The following MED19 variants were observed in gnomAD, a reference collection of about 807,000 sequenced individuals.
The protein encoded by MED19 is mediator of RNA polymerase II transcription subunit 19.
In MED19, 4 loss-of-function variants were observed where a neutral mutation model predicts 19.9. That is an observed-to-expected ratio of 0.20 (90% CI 0.10 to 0.46). The LOEUF (loss-of-function observed/expected upper bound fraction) is 0.46. Ranked by LOEUF, MED19 falls within the 20% of genes least tolerant of loss-of-function variation. The pLI, the probability that MED19 is intolerant of heterozygous loss-of-function variation, is 0.99. For synonymous variants in MED19, 139 were observed against 119.6 expected (o/e 1.16, Z -1.06); for missense variants, 303 against 318.7 (o/e 0.95, Z 0.38).
rs1946624640 is a variant in MED19 at position 57,711,858 on chromosome 11, G to T, written c.217+105C>A. ...ACTTAGGGCTCCACAGTCCGGGTAT[G>T]CGTTGCCTAGGTTACCTCGCACCTC... On this transcript the variant is annotated intron_variant, in intron 1 of 4. Coordinates refer to ENST00000431606, the Ensembl canonical transcript of MED19. The T allele has an allele frequency of 4.0e-6, 5 of 1,255,938 alleles. No homozygotes were observed. In the African/African-American group the frequency reaches 6.3e-5, roughly 16 times the overall value. The allele number at this position is 1,255,938 out of a possible 1,614,324, so 77.8% of individuals were successfully genotyped here.
At chr11:57,708,113 C>CGT in intron 1 of MED19, among the ~76,000 whole-genome samples, 1 of 151,784 alleles carries the variant, frequency 6.6e-6, no homozygotes, top group African/African-American at 2.4e-5. Context: ...GGATTACAGG[C>CGT]GTGAACCACC....
rs773968041 is a variant in MED19, at chr11:57,705,064, C to T, written c.383G>A (p.Arg128His). 8.7e-6 allele frequency: 14 copies of T among 1,614,126 alleles called. No individual in the cohort carries two copies. The highest frequency in any genetic ancestry group is 2.2e-5 in the East Asian group (1 of 44,870). The change falls in exon 2 of 5, where the codon CGC (arginine) becomes CAC (histidine). Residue 128 changes from arginine (R) to histidine (H), a missense_variant. This residue lies in a region of MED19 where 274 missense variants were observed against 259.2 expected (regional missense o/e 1.06). Coordinates refer to ENST00000431606, the Ensembl canonical transcript of MED19. ...AATAGGGGGCTTCTCAATGAGAGAGCGGAGGCTGCTGTTATCATGGGAACC... is the reference window on the plus strand; with the variant it reads ...AATAGGGGGCTTCTCAATGAGAGAGTGGAGGCTGCTGTTATCATGGGAACC...
chr11:57,712,055 G>C, exon 1 of MED19: 1 of 1,532,864 alleles, frequency 6.5e-7, no homozygotes, highest in East Asian at 2.5e-5. Context: ...AGGCGGGGCC[G>C]TGCCGGGTCC....
exon 5 of MED19, chr11:57,704,017 G>A: frequency 6.5e-7 from 1 of 1,535,822 alleles, no homozygotes; most frequent in Non-Finnish European, 8.7e-7. Flanking sequence ...AGCCATCCTG[G>A]CAAAGAGTCC....
At chr11:57,704,726 G>C (rs1331320044) in exon 3 of MED19, 3 of 1,609,402 alleles carry the variant, frequency 1.9e-6, no homozygotes. Flanking sequence ...TACCTGGGGG[G>C]ACAGGATCCT....
intron 4 of MED19, 28 bp from the exon 5 acceptor site, chr11:57,704,134 C>G (rs992524567): frequency 2.6e-6 from 4 of 1,535,834 alleles, no homozygotes; most frequent in African/African-American, 2.7e-5. Flanking sequence ...AGGGTAAGAA[C>G]AACTAGGAAC....
chr11:57,710,236 C>T (rs1946549758), intron 1 of MED19, among the ~76,000 whole-genome samples: 1 of 152,132 alleles, frequency 6.6e-6, no homozygotes, highest in Non-Finnish European at 1.5e-5. Context: ...GTGGTGCATG[C>T]CTGTAGTCCT....
At chr11:57,712,039 G>A (rs1946634737) in exon 1 of MED19, 4 of 1,536,894 alleles carry the variant, frequency 2.6e-6, no homozygotes, top group Non-Finnish European at 3.5e-6. Flanking sequence ...CCGTGGCCGC[G>A]GTGGGAGGCG....
At chr11:57,704,490 CA>C in intron 3 of MED19, 94 bp from the exon 4 acceptor site, 1 of 1,563,976 alleles carries the variant, frequency 6.4e-7, no homozygotes, top group South Asian at 1.2e-5. Flanking sequence ...CAAGTCGGGG[CA>C]ACTGCTTTTG....
intron 1 of MED19, among the ~76,000 whole-genome samples, chr11:57,707,715 A>G (rs144119754): frequency 6.6e-6 from 1 of 152,178 alleles, no homozygotes; most frequent in African/African-American, 2.4e-5. Flanking sequence ...TGCTCTGCCA[A>G]CTCTCCTCTG....
chr11:57,704,699 T>TA lies in MED19; in HGVS notation c.571+19_571+20insT. On this transcript the variant is annotated intron_variant, in intron 3 of 4. Coordinates refer to ENST00000431606, the Ensembl canonical transcript of MED19. ...TTTTTTTTTTTTTTTTTTTTTGCTT[T>TA]GAATAGAACTGCTTCTTACCTGGGG... 1.3e-6 allele frequency: 2 copies of TA among 1,575,438 alleles called. No individual in the cohort carries two copies. The highest frequency in any genetic ancestry group is 1.7e-6 in the Non-Finnish European group (2 of 1,162,092).
intron 1 of MED19, among the ~76,000 whole-genome samples, chr11:57,707,738 T>G (rs1349188299): frequency 6.6e-6 from 1 of 152,264 alleles, no homozygotes; most frequent in East Asian, 1.9e-4. Context: ...CAGATGGTTA[T>G]CCTTAAGGCT....
intron 1 of MED19, among the ~76,000 whole-genome samples, chr11:57,706,399 C>T (rs1487760515): frequency 2.6e-5 from 4 of 152,160 alleles, no homozygotes; most frequent in Non-Finnish European, 4.4e-5. Context: ...CACCCCCCGC[C>T]GCCTCGGTTT....
At chr11:57,704,952 T>C (rs750160956) in intron 2 of MED19, 21 bp downstream of exon 2, 11 of 1,608,266 alleles carry the variant, frequency 6.8e-6, no homozygotes, top group East Asian at 2.2e-5. Flanking sequence ...CCATTTGCCT[T>C]CTTCCTCCAA....
intron 1 of MED19, among the ~76,000 whole-genome samples, chr11:57,709,190 T>TG (rs1345890452): frequency 2.0e-5 from 3 of 152,190 alleles, no homozygotes; most frequent in Admixed American, 2.0e-4. Context: ...GAGATCTGCC[T>TG]GACCAACAGG....
chr11:57,705,122 G>A, exon 2 of MED19: 1 of 1,614,156 alleles, frequency 6.2e-7, no homozygotes, highest in Non-Finnish European at 8.5e-7. Context: ...AGGTCAGGCA[G>A]GAAGTTACTT....
At chr11:57,710,017 G>C (rs1014076953) in intron 1 of MED19, among the ~76,000 whole-genome samples, 16 of 152,142 alleles carry the variant, frequency 1.1e-4, no homozygotes, top group African/African-American at 3.9e-4. Context: ...TTGTCATGTG[G>C]CTGCTTAAAT....
intron 3 of MED19, 161 bp from the exon 4 acceptor site, chr11:57,704,557 A>G: frequency 6.3e-7 from 1 of 1,589,884 alleles, no homozygotes; most frequent in Admixed American, 1.9e-5. Context: ...CCCAAGTCCC[A>G]AGAGACCACA....
intron 1 of MED19, among the ~76,000 whole-genome samples, chr11:57,709,855 C>CT (rs1309555033): frequency 1.3e-5 from 2 of 152,210 alleles, no homozygotes; most frequent in African/African-American, 2.4e-5. Context: ...GCCACAGCGC[C>CT]TGGCCCTGTA....
Sources: allele counts gnomAD v4.1 joint callset (sites outside exome capture counted in the v4.1 genomes callset), GRCh38; gene constraint gnomAD v4.1.1; regional missense constraint gnomAD v4.1.1; transcripts MANE v1.5; gene names NCBI Gene and HGNC (gene_info 2026-07-23, HGNC 2026-07-21).